LDB2: variants seen among roughly 807,000 people sequenced by gnomAD.
LDB2 encodes the protein LIM domain binding 2, also known as LIM domain-binding protein 2.
In LDB2, 12 loss-of-function variants were observed where a neutral mutation model predicts 44.3. That is an observed-to-expected ratio of 0.27 (90% CI 0.17 to 0.44). The LOEUF is 0.44. LDB2 is among the 20% of genes least tolerant of loss of function. The pLI, the probability that LDB2 is intolerant of heterozygous loss-of-function variation, is 1.00. For synonymous variants in LDB2, 164 were observed against 174.8 expected (o/e 0.94, Z 0.49); for missense variants, 344 against 473.5 (o/e 0.73, Z 2.54).
intron 2 of LDB2, among the ~76,000 whole-genome samples, chr4:16,623,834 G>A (rs1226992627): frequency 6.6e-6 from 1 of 151,752 alleles, no homozygotes; most frequent in Non-Finnish European, 1.5e-5. Flanking sequence ...TAACTCTACT[G>A]CTACCATATT....
At chr4:16,683,170 T>C (rs1049152373) in intron 2 of LDB2, among the ~76,000 whole-genome samples, 1 of 152,180 alleles carries the variant, frequency 6.6e-6, no homozygotes, top group Non-Finnish European at 1.5e-5. Flanking sequence ...AACAATCCAT[T>C]ACAAAACCAA....
chr4:16,763,066 G>A (rs947493952), intron 1 of LDB2, among the ~76,000 whole-genome samples: 1 of 134,856 alleles, frequency 7.4e-6, no homozygotes, highest in Non-Finnish European at 1.6e-5. Context: ...GGGCACATTA[G>A]GTAACACCAC....
At chr4:16,754,114 C>A (rs961174529) in intron 2 of LDB2, among the ~76,000 whole-genome samples, 1 of 152,224 alleles carries the variant, frequency 6.6e-6, no homozygotes, top group African/African-American at 2.4e-5. Flanking sequence ...TGCCCACTTA[C>A]ACATAGTTTA....
chr4:16,613,914 A>G (rs536438594), intron 2 of LDB2, among the ~76,000 whole-genome samples: 16 of 152,330 alleles, frequency 1.1e-4, no homozygotes, highest in African/African-American at 3.8e-4. Flanking sequence ...TTAGAAAAAA[A>G]CTATTTTAAA....
At position 16,811,071 on chromosome 4, in the gene LDB2, G is replaced by A. The variant is rs139961078; in HGVS notation, c.133-51811C>T. Among the ~76,000 whole-genome samples the A allele has an allele frequency of 2.3e-4, 35 of 152,238 alleles. 1 individual carries two copies. Among genetic ancestry groups the A allele is most frequent in the African/African-American group, 6.0e-4 (25 of 41,532 alleles). ...CCTTGCATGTGCAGTCCATAATAGC[G>A]TTTGCACTCCTTTGACAATCTAACG... On this transcript the variant is annotated intron_variant, in intron 1 of 7. Transcript: ENST00000304523.
chr4:16,580,094 G>C (rs142674625), intron 5 of LDB2, among the ~76,000 whole-genome samples: 1 of 152,280 alleles, frequency 6.6e-6, no homozygotes, highest in African/African-American at 2.4e-5. Flanking sequence ...TAGCAACAGC[G>C]TTCCAGGCAG....
intron 1 of LDB2, among the ~76,000 whole-genome samples, chr4:16,819,515 G>A (rs762863181): frequency 2.1e-4 from 31 of 144,940 alleles, no homozygotes; most frequent in Admixed American, 4.1e-4. Flanking sequence ...CCAAGACCCA[G>A]GTCATGTATT....
chr4:16,653,695 C>G (rs964704124), intron 2 of LDB2: 7 of 152,188 alleles, frequency 4.6e-5, no homozygotes, highest in African/African-American at 1.7e-4. Flanking sequence ...TGAAAGCAAA[C>G]TATAAAATTA....
chr4:16,626,729 G>T (rs1410235409), intron 2 of LDB2: 1 of 151,840 alleles, frequency 6.6e-6, no homozygotes, highest in Non-Finnish European at 1.5e-5. Flanking sequence ...AGGAATAATA[G>T]TCCCTACCTC....
chr4:16,581,723 A>C (rs915905866), intron 5 of LDB2, among the ~76,000 whole-genome samples: 1 of 152,076 alleles, frequency 6.6e-6, no homozygotes, highest in African/African-American at 2.4e-5. Flanking sequence ...CCTGTCTTCT[A>C]ACAACCTCTC....
chr4:16,863,001 T>A (rs1235701143), intron 1 of LDB2, among the ~76,000 whole-genome samples: 1 of 152,032 alleles, frequency 6.6e-6, no homozygotes, highest in Admixed American at 6.6e-5. Flanking sequence ...CACCAGTGCT[T>A]CCTGGGCAGC....
chr4:16,515,221 A>G (rs1723189198), intron 5 of LDB2, among the ~76,000 whole-genome samples: 1 of 152,206 alleles, frequency 6.6e-6, no homozygotes, highest in Non-Finnish European at 1.5e-5. Context: ...CACTTACAAA[A>G]GAGAGCTGAA....
intron 5 of LDB2, among the ~76,000 whole-genome samples, chr4:16,562,688 C>T (rs1742848858): frequency 6.6e-6 from 1 of 152,188 alleles, no homozygotes; most frequent in African/African-American, 2.4e-5. Flanking sequence ...ACTAGAAATA[C>T]CATTTGACCC....
chr4:16,593,205 G>C (rs1030158532), intron 3 of LDB2, among the ~76,000 whole-genome samples: 1 of 152,150 alleles, frequency 6.6e-6, no homozygotes, highest in Admixed American at 6.5e-5. Context: ...TGGGGAATGA[G>C]AGTTTATTGA....
intron 2 of LDB2, among the ~76,000 whole-genome samples, chr4:16,624,567 A>T (rs76959888): frequency 0.027 from 4,139 of 152,352 alleles, 67 homozygotes; most frequent in East Asian, 0.054. Context: ...TCCCAATTTT[A>T]TATAAAAAAG....
chr4:16,554,417 T>C (rs917757382), intron 5 of LDB2, among the ~76,000 whole-genome samples: 10 of 152,136 alleles, frequency 6.6e-5, no homozygotes, highest in African/African-American at 2.4e-4. Flanking sequence ...TTTTAAGACT[T>C]TTAATCTACT....
At chr4:16,658,908 C>A (rs541112233) in intron 2 of LDB2, among the ~76,000 whole-genome samples, 3 of 152,284 alleles carry the variant, frequency 2.0e-5, no homozygotes, top group East Asian at 1.9e-4. Context: ...GACTGAAAGT[C>A]AAAGCAGGAG....
intron 6 of LDB2, among the ~76,000 whole-genome samples, chr4:16,509,790 C>G (rs1441458424): frequency 6.6e-6 from 1 of 152,104 alleles, no homozygotes; most frequent in Non-Finnish European, 1.5e-5. Flanking sequence ...TACACTGGAA[C>G]CAAATAAGAG....
At chr4:16,541,863 ATGTGTGGGGAG>A (rs1211137329) in intron 5 of LDB2, among the ~76,000 whole-genome samples, 15 of 152,172 alleles carry the variant, frequency 9.9e-5, no homozygotes, top group Admixed American at 9.2e-4. Context: ...GCTCTGGGGA[ATGTGTGGGGAG>A]TCTCTATTGA....
Sources: allele counts gnomAD v4.1 joint callset (sites outside exome capture counted in the v4.1 genomes callset), GRCh38; gene constraint gnomAD v4.1.1; transcripts MANE v1.5; gene names NCBI Gene and HGNC (gene_info 2026-07-23, HGNC 2026-07-21).